The following CPNE6 variants were observed in gnomAD, a reference collection of about 807,000 sequenced individuals.
CPNE6 encodes copine-6.
Under a neutral mutation model 71.5 loss-of-function variants are expected in CPNE6, and 33 were observed. The observed-to-expected ratio is 0.46, with a 90% CI of 0.35 to 0.62. The LOEUF is 0.62. Ranked by LOEUF, CPNE6 falls within the 20% of genes least tolerant of loss-of-function variation. The probability of loss-of-function intolerance (pLI) is 0.00; values close to 1 mark genes in which losing one functional copy is unlikely to be tolerated. For missense variants in CPNE6, 576 were observed against 747.3 expected, an observed-to-expected ratio of 0.77 and a Z score of 2.67; for synonymous variants, 296 against 293.0, an observed-to-expected ratio of 1.01 and a Z score of -0.10.
chr14:24,077,643 G>A lies in CPNE6; in HGVS notation c.1587G>A (p.Gln529=). The A allele has an allele frequency of 6.3e-7, 1 of 1,598,336 alleles. No individual in the cohort carries two copies. Among genetic ancestry groups the A allele is most frequent in the Non-Finnish European group, 8.5e-7 (1 of 1,171,914 alleles). Residue 529 remains glutamine, a synonymous_variant, in exon 17 of 18, where the codon CAG becomes CAA. Transcript: ENST00000397016. This position sits in a 1 kb window ranked among gnomAD's most constrained non-coding sequence, Gnocchi z 6.1. ...GTGTCCTGGCTGAGGTGCCACGGCA[G>A]GTGGTGGAGTACTACGCCAGCCAGG...
chr14:24,077,791 A>G lies in CPNE6; in HGVS notation c.*37+24A>G. Reference sequence around the variant, plus strand: ...CAGTGAGTCCTGGGGCTTCCAAAGGAGTGGACACAGGGGGTGCAAAGTGGG... The same window carrying G: ...CAGTGAGTCCTGGGGCTTCCAAAGGGGTGGACACAGGGGGTGCAAAGTGGG... On this transcript the variant is annotated intron_variant, in intron 17 of 17. Transcript: ENST00000397016. The surrounding 1 kb of genome is among the most constrained non-coding windows in gnomAD (Gnocchi z 6.1). 1.4e-6 allele frequency: 2 copies of G among 1,462,036 alleles called. No individual in the cohort carries two copies. Among genetic ancestry groups the G allele is most frequent in the Non-Finnish European group, 1.8e-6 (2 of 1,107,418 alleles). The allele number at this position is 1,462,036 out of a possible 1,614,324, so 90.6% of individuals were successfully genotyped here.
chr14:24,075,143 T>C lies in CPNE6; in HGVS notation c.673-29T>C. 1.3e-6 allele frequency: 2 copies of C among 1,554,688 alleles called. No homozygotes were observed. Among genetic ancestry groups the C allele is most frequent in the Non-Finnish European group, 1.8e-6 (2 of 1,125,814 alleles). The stretch of plus-strand genomic sequence containing the variant: ...TGAATACCGCAGAGCATCTCCAACC[T>C]GACCCCACCCCTCCCCCTGCCTTCT... On this transcript the variant is annotated intron_variant, in intron 8 of 17. Coordinates refer to ENST00000397016, the Ensembl canonical transcript of CPNE6. The surrounding 1 kb of genome is among the most constrained non-coding windows in gnomAD (Gnocchi z 4.3).
At position 24,077,132 on chromosome 14, in the gene CPNE6, C is replaced by T. The variant is rs2036105653; in HGVS notation, c.1300-22C>T. The stretch of plus-strand genomic sequence containing the variant: ...CCCTTGCACACAAAGCCAACCCTTC[C>T]ACCCTCTCTGCTTGCCCTCAGAAGT... On this transcript the variant is annotated intron_variant, in intron 15 of 17. Transcript: ENST00000397016. This position sits in a 1 kb window ranked among gnomAD's most constrained non-coding sequence, Gnocchi z 6.1. 6.3e-7 allele frequency: 1 copy of T among 1,596,712 alleles called. No homozygotes were observed. The highest frequency in any genetic ancestry group is 2.2e-5 in the East Asian group (1 of 44,756).
chr14:24,077,035 C>G lies in CPNE6; in HGVS notation c.1299+23C>G, dbSNP rs2036099228. On this transcript the variant is annotated intron_variant, in intron 15 of 17. Transcript: ENST00000397016. The surrounding 1 kb of genome is among the most constrained non-coding windows in gnomAD (Gnocchi z 6.1). Reference sequence around the variant, plus strand: ...ACGGTAGGAAGACATGGCGGGCAAACAGGAGCTGTCCCATGTGTCTTTAAG... The same window carrying G: ...ACGGTAGGAAGACATGGCGGGCAAAGAGGAGCTGTCCCATGTGTCTTTAAG... 6.2e-7 allele frequency: 1 copy of G among 1,606,454 alleles called. No homozygotes were observed. Among genetic ancestry groups the G allele is most frequent in the African/African-American group, 1.3e-5 (1 of 74,936 alleles).
Position 24,075,631 on chromosome 14 carries a change from T to A in CPNE6, c.864+40T>A. ...CTGCTTCAAGCCTTGCCCCAGCCCC[T>A]GCCCCTACCACACTCTCAGGTTCAA... On this transcript the variant is annotated intron_variant, in intron 10 of 17. Transcript: ENST00000397016. The surrounding 1 kb of genome is among the most constrained non-coding windows in gnomAD (Gnocchi z 4.3). 6.6e-7 allele frequency: 1 copy of A among 1,525,360 alleles called. No homozygotes were observed. The highest frequency in any genetic ancestry group is 9.0e-7 in the Non-Finnish European group (1 of 1,110,534). The allele number at this position is 1,525,360 out of a possible 1,614,324, so 94.5% of individuals were successfully genotyped here.
In CPNE6 at chr14:24,073,990, T is replaced by C. The variant is rs2035981040; in HGVS notation, c.349-61T>C. The C allele has an allele frequency of 3.7e-5, 53 of 1,424,512 alleles. 1 individual carries two copies. In the South Asian group the frequency reaches 5.3e-4, roughly 14 times the overall value. The allele number at this position is 1,424,512 out of a possible 1,614,324, so 88.2% of individuals were successfully genotyped here. Reference sequence around the variant, plus strand: ...TCAGAGCATTTATTATTCCATCCCTTGTACGTGGCCAAGGCAGATGGGGAT... The same window carrying C: ...TCAGAGCATTTATTATTCCATCCCTCGTACGTGGCCAAGGCAGATGGGGAT... On this transcript the variant is annotated intron_variant, in intron 4 of 17. Coordinates refer to ENST00000397016, the Ensembl canonical transcript of CPNE6. The surrounding 1 kb of genome is among the most constrained non-coding windows in gnomAD (Gnocchi z 5.5).
In CPNE6 at chr14:24,077,799, C is replaced by T; in HGVS notation, c.*37+32C>T. 6.9e-7 allele frequency: 1 copy of T among 1,441,292 alleles called. No homozygotes were observed. Among genetic ancestry groups the T allele is most frequent in the South Asian group, 1.5e-5 (1 of 65,750 alleles). The allele number at this position is 1,441,292 out of a possible 1,614,324, so 89.3% of individuals were successfully genotyped here. On this transcript the variant is annotated intron_variant, in intron 17 of 17. Coordinates refer to ENST00000397016, the Ensembl canonical transcript of CPNE6. This position sits in a 1 kb window ranked among gnomAD's most constrained non-coding sequence, Gnocchi z 6.1. ...CCTGGGGCTTCCAAAGGAGTGGACACAGGGGGTGCAAAGTGGGGCTTGGTA... is the reference window on the plus strand; with the variant it reads ...CCTGGGGCTTCCAAAGGAGTGGACATAGGGGGTGCAAAGTGGGGCTTGGTA...
In CPNE6 at chr14:24,074,863, T is replaced by C; in HGVS notation, c.672+68T>C. On this transcript the variant is annotated intron_variant, in intron 8 of 17. Transcript: ENST00000397016. This position sits in a 1 kb window ranked among gnomAD's most constrained non-coding sequence, Gnocchi z 4.5. ...AATCTGCTATCTAAGACCTTTCCCC[T>C]GCATGTGGCAAGCCTCCCTCCTCTC... 2 of 1,345,078 alleles carry C rather than the reference T, an allele frequency of 1.5e-6. No individual in the cohort carries two copies. 83.3% of individuals were successfully genotyped at this position (1,345,078 alleles called of 1,614,324 possible).
intron 1 of CPNE6, 61 bp from the exon 1 acceptor site, chr14:24,071,501 G>GGC (rs2035896411): frequency 1.2e-4 from 166 of 1,416,506 alleles, no homozygotes; most frequent in South Asian, 1.6e-4. Flanking sequence ...CTGGTGCTGC[G>GGC]CCCCCCCCCA....
chr14:24,077,003 C>A lies in CPNE6; in HGVS notation c.1290C>A (p.Gly430=). 1 of 1,610,570 alleles carries A rather than the reference C, an allele frequency of 6.2e-7. No homozygotes were observed. Among genetic ancestry groups the A allele is most frequent in the Non-Finnish European group, 8.5e-7 (1 of 1,180,002 alleles). ...CGGCCCAGCGGGAGCAGAGCACCGG[C>A]CAAGCCACGGTAGGAAGACATGGCG... The change falls in exon 15 of 18, where the codon GGC becomes GGA. Residue 430 remains glycine, a synonymous_variant. Coordinates refer to ENST00000397016, the Ensembl canonical transcript of CPNE6. The surrounding 1 kb of genome is among the most constrained non-coding windows in gnomAD (Gnocchi z 6.1).
chr14:24,076,848 T>G, intron 14 of CPNE6, 31 bp from the exon 14 acceptor site: 1 of 1,610,356 alleles, frequency 6.2e-7, no homozygotes, highest in Non-Finnish European at 8.5e-7. Flanking sequence ...TGCTCATTTC[T>G]GCCAGCTTCA....
At chr14:24,072,910 G>T in intron 2 of CPNE6, 23 bp from the exon 2 acceptor site, 11 of 1,514,190 alleles carry the variant, frequency 7.3e-6, no homozygotes, top group Non-Finnish European at 9.7e-6. Flanking sequence ...CCAGAGTCCA[G>T]GCCACCTGCT....
Position 24,075,747 on chromosome 14 carries a change from T to C in CPNE6, c.865-80T>C, listed in dbSNP as rs2036041075. On this transcript the variant is annotated intron_variant, in intron 10 of 17. Coordinates refer to ENST00000397016, the Ensembl canonical transcript of CPNE6. This position sits in a 1 kb window ranked among gnomAD's most constrained non-coding sequence, Gnocchi z 4.3. ...CCCAAAAAACTCTGGCTCCCCCATG[T>C]TCCCCACAGAAGCCCTACCCAAGCT... 6.9e-7 allele frequency: 1 copy of C among 1,450,976 alleles called. No individual in the cohort carries two copies. The highest frequency in any genetic ancestry group is 2.3e-5 in the East Asian group (1 of 43,898). The allele number at this position is 1,450,976 out of a possible 1,614,324, so 89.9% of individuals were successfully genotyped here. A position where few individuals can be genotyped will look rare whatever the true frequency, so the allele number is the denominator to read the frequency against.
rs1040870665 is a variant in CPNE6 at position 24,073,422 on chromosome 14, G to T, written c.169-77G>T. ...GTGGGGGCCCAAGAAGAGCTGGCAT[G>T]ACTAGGGCAGTCCAGGACAGGGAAA... On this transcript the variant is annotated intron_variant, in intron 3 of 17. Transcript: ENST00000397016. This position sits in a 1 kb window ranked among gnomAD's most constrained non-coding sequence, Gnocchi z 5.5. 6.7e-6 allele frequency: 10 copies of T among 1,494,366 alleles called. No homozygotes were observed. The African/African-American group carries it at 1.2e-4, about 19-fold the overall frequency. The allele number at this position is 1,494,366 out of a possible 1,614,324, so 92.6% of individuals were successfully genotyped here.
chr14:24,071,524 C>A, intron 1 of CPNE6, 38 bp from the exon 1 acceptor site: 1 of 1,454,998 alleles, frequency 6.9e-7, no homozygotes. Context: ...CCTCCCCATC[C>A]AGGCCCCATA....
intron 1 of CPNE6, 59 bp from the exon 1 acceptor site, chr14:24,071,503 C>CCG: frequency 2.7e-6 from 2 of 750,376 alleles, no homozygotes; most frequent in Non-Finnish European, 3.9e-6. Context: ...GGTGCTGCGC[C>CCG]CCCCCCCACC....
chr14:24,073,135 A>T lies in CPNE6; in HGVS notation c.168+31A>T. 1 of 1,428,476 alleles carries T rather than the reference A, an allele frequency of 7.0e-7. No individual in the cohort carries two copies. The highest frequency in any genetic ancestry group is 9.2e-7 in the Non-Finnish European group (1 of 1,091,284). 88.5% of individuals were successfully genotyped at this position (1,428,476 alleles called of 1,614,324 possible). A position where few individuals can be genotyped will look rare whatever the true frequency, so the allele number is the denominator to read the frequency against. On this transcript the variant is annotated intron_variant, in intron 3 of 17. Coordinates refer to ENST00000397016, the Ensembl canonical transcript of CPNE6. This position sits in a 1 kb window ranked among gnomAD's most constrained non-coding sequence, Gnocchi z 5.5. ...AGCAGCTCAGGTTTCTCCTTAACTAACCTGGGTTAAGCTTGGGAAAGAGGG... is the reference window on the plus strand; with the variant it reads ...AGCAGCTCAGGTTTCTCCTTAACTATCCTGGGTTAAGCTTGGGAAAGAGGG...
In CPNE6 at chr14:24,074,774, T is replaced by A; in HGVS notation, c.651T>A (p.Cys217Ter). 6.2e-7 allele frequency: 1 copy of A among 1,613,556 alleles called. No individual in the cohort carries two copies. Among genetic ancestry groups the A allele is most frequent in the Non-Finnish European group, 8.5e-7 (1 of 1,179,756 alleles). ...TGTCCCTGCATTCCCTATGCAGCTG[T>A]GATGTTCACCGACCTCTCAAGGTGA... The change falls in exon 8 of 18, where the codon TGT becomes TGA. Residue 217 changes from cysteine to a stop codon, truncating the protein, a stop_gained. Coordinates refer to ENST00000397016, the Ensembl canonical transcript of CPNE6. LOFTEE classifies it high-confidence loss of function. The surrounding 1 kb of genome is among the most constrained non-coding windows in gnomAD (Gnocchi z 4.5).
Position 24,073,309 on chromosome 14 carries a change from A to C in CPNE6, c.169-190A>C, listed in dbSNP as rs2035959985. Among the ~76,000 whole-genome samples the C allele has an allele frequency of 6.6e-6, 1 of 152,188 alleles. No individual in the cohort carries two copies. Among genetic ancestry groups the C allele is most frequent in the South Asian group, 2.1e-4 (1 of 4,830 alleles). Reference sequence around the variant, plus strand: ...TGGGGTTGCTCCCAAAGGCCTCATGATAGCCCGGAGGACTGAGAGTCCAGT... The same window carrying C: ...TGGGGTTGCTCCCAAAGGCCTCATGCTAGCCCGGAGGACTGAGAGTCCAGT... On this transcript the variant is annotated intron_variant, in intron 3 of 17. Transcript: ENST00000397016. The surrounding 1 kb of genome is among the most constrained non-coding windows in gnomAD (Gnocchi z 5.5).
Sources: gnomAD v4.1 joint callset for allele counts (sites outside exome capture counted in the v4.1 genomes callset) on GRCh38, gnomAD v4.1.1 for gene constraint, Gnocchi (gnomAD v3.1) non-coding constraint, MANE v1.5 for transcripts, NCBI Gene and HGNC (gene_info 2026-07-23, HGNC 2026-07-21) for gene names.